Variants in INO80D observed in about 807,000 individuals in gnomAD.
INO80D encodes the protein INO80 complex subunit D.
Under a neutral mutation model 87.6 loss-of-function variants are expected in INO80D, and 21 were observed. The ratio of observed to expected loss-of-function variants is 0.24; its 90% CI spans 0.17 to 0.35. INO80D has a LOEUF of 0.35. Among genes scored for constraint, INO80D ranks in the 10% least tolerant of loss-of-function variants. The pLI, the probability that INO80D is intolerant of heterozygous loss-of-function variation, is 1.00. For missense variants in INO80D, 982 were observed against 1,280.7 expected, an observed-to-expected ratio of 0.77 and a Z score of 3.56; for synonymous variants, 440 against 491.0, an observed-to-expected ratio of 0.90 and a Z score of 1.37.
Position 206,004,675 on chromosome 2 carries a change from T to C in INO80D, c.2777A>G (p.Asn926Ser). ...TSLSTPPTTS[N>S]SETTQPAFAT... ...GAAGGCAGGCTGTGTGGTCTCTGAG[T>C]TCGAAGTGGTGGGTGGCGTGGATAG... The change falls in exon 11 of 11, where the codon AAC becomes AGC. Residue 926 changes from asparagine (N) to serine (S), a missense_variant. Physicochemically the swap from Asn to Ser is conservative, Grantham distance 46. Coordinates refer to ENST00000403263, the MANE Select transcript of INO80D (RefSeq NM_017759.5). This position sits in a 1 kb window ranked among gnomAD's most constrained non-coding sequence, Gnocchi z 4.9. 1 of 1,613,736 alleles carries C rather than the reference T, an allele frequency of 6.2e-7. No individual in the cohort carries two copies. Among genetic ancestry groups the C allele is most frequent in the Non-Finnish European group, 8.5e-7 (1 of 1,179,810 alleles).
In INO80D at chr2:206,005,267, G is replaced by A; in HGVS notation, c.2185C>T (p.Leu729=). 1 of 1,614,014 alleles carries A rather than the reference G, an allele frequency of 6.2e-7. No individual in the cohort carries two copies. The highest frequency in any genetic ancestry group is 8.5e-7 in the Non-Finnish European group (1 of 1,179,892). ...CGGAGCAGGTTCTCATCCAGCTCTA[G>A]ACTAGAAAAATTATCATGTACTATA... ...GRIVHDNFSS[L]ELDENLLRSA... is the part of the protein sequence containing the mutation. Residue 729 remains leucine (L), a synonymous_variant, in exon 11 of 11, where the codon CTA becomes TTA. Coordinates refer to ENST00000403263, the MANE Select transcript of INO80D (RefSeq NM_017759.5).
chr2:206,023,995 T>G (rs982292628), intron 6 of INO80D, among the ~76,000 whole-genome samples: 2 of 152,218 alleles, frequency 1.3e-5, no homozygotes, highest in Non-Finnish European at 2.9e-5. Context: ...TTGTATAGTC[T>G]TTTATATCTT....
chr2:206,046,564 T>C lies in INO80D; in HGVS notation c.1013A>G (p.Gln338Arg), dbSNP rs1689201058. The C allele has an allele frequency of 8.1e-6, 13 of 1,613,868 alleles. No homozygotes were observed. Among genetic ancestry groups the C allele is most frequent in the Non-Finnish European group, 8.5e-6 (10 of 1,179,856 alleles). The change falls in exon 5 of 11, where the codon CAG (glutamine) becomes CGG (arginine). Residue 338 changes from glutamine (Q) to arginine (R), a missense_variant. Transcript: ENST00000403263. ...CCATGCAACCTGGTAGGGCGAGGCCTGCTCTGAGTCCTCTGGTTCCTCTCC... is the reference window on the plus strand; with the variant it reads ...CCATGCAACCTGGTAGGGCGAGGCCCGCTCTGAGTCCTCTGGTTCCTCTCC... ...ESGEEPEDSE[Q>R]ASPYQVAWSI...
At chr2:206,019,939 C>A in intron 6 of INO80D, 94 bp from the exon 7 acceptor site, 1 of 800,060 alleles carries the variant, frequency 1.2e-6, no homozygotes, top group South Asian at 1.6e-5. Context: ...GTAACACTCT[C>A]ATTATAATAT....
chr2:206,078,860 T>C (rs1360269489), intron 1 of INO80D, among the ~76,000 whole-genome samples: 1 of 152,110 alleles, frequency 6.6e-6, no homozygotes, highest in Non-Finnish European at 1.5e-5. Context: ...AGAGAATTGC[T>C]TGAACCTGGG....
At position 205,999,904 on chromosome 2, in the gene INO80D, G is replaced by A. The variant is rs562149592; in HGVS notation, c.*4464C>T. On this transcript the variant is annotated 3_prime_UTR_variant, in exon 11 of 11. Coordinates refer to ENST00000403263, the MANE Select transcript of INO80D (RefSeq NM_017759.5). ...GTTTTAACTTTTCTACAGAATGCCAGTGAAGATTCAGTTAATGTATTGGGC... is the reference window on the plus strand; with the variant it reads ...GTTTTAACTTTTCTACAGAATGCCAATGAAGATTCAGTTAATGTATTGGGC... 6.6e-6 allele frequency: 1 copy of A among 152,260 alleles called. No individual in the cohort carries two copies. The highest frequency in any genetic ancestry group is 1.9e-4 in the East Asian group (1 of 5,180). 9.4% of individuals were successfully genotyped at this position (152,260 alleles called of 1,614,324 possible). A position where few individuals can be genotyped will look rare whatever the true frequency, so the allele number is the denominator to read the frequency against.
At chr2:206,052,791 C>CAA (rs34135960) in intron 4 of INO80D, among the ~76,000 whole-genome samples, 11,027 of 139,230 alleles carry the variant, frequency 0.079, 560 homozygotes, top group Non-Finnish European at 0.12. Context: ...GAACCTGTCT[C>CAA]AAAAAAAAAA....
At chr2:206,068,078 G>A (rs966454392) in intron 1 of INO80D, among the ~76,000 whole-genome samples, 3 of 151,994 alleles carry the variant, frequency 2.0e-5, no homozygotes, top group Non-Finnish European at 4.4e-5. Flanking sequence ...AACTTTTGAG[G>A]CACTGTGTTG....
Position 206,062,279 on chromosome 2 carries a change from G to C in INO80D, c.218+520C>G, listed in dbSNP as rs1689709082. 1.3e-5 allele frequency among the ~76,000 whole-genome samples: 2 copies of C among 152,220 alleles called. No homozygotes were observed. The highest frequency in any genetic ancestry group is 4.1e-4 in the South Asian group (2 of 4,830). On this transcript the variant is annotated intron_variant, in intron 3 of 10. Coordinates refer to ENST00000403263, the MANE Select transcript of INO80D (RefSeq NM_017759.5). This position sits in a 1 kb window ranked among gnomAD's most constrained non-coding sequence, Gnocchi z 4.6. ...TAGGAAATAAATCTAACTGATTCAA[G>C]TAGTTTTTTAAAATTTTCTTCAGTA...
At chr2:206,008,606 T>C (rs1190852840) in intron 9 of INO80D, among the ~76,000 whole-genome samples, 1 of 152,094 alleles carries the variant, frequency 6.6e-6, no homozygotes, top group Non-Finnish European at 1.5e-5. Context: ...AACAGAAACA[T>C]GAGAAACCCT....
At chr2:206,059,498 A>G (rs1689627128) in intron 3 of INO80D, among the ~76,000 whole-genome samples, 1 of 152,222 alleles carries the variant, frequency 6.6e-6, no homozygotes, top group African/African-American at 2.4e-5. Flanking sequence ...TCAATCCTCA[A>G]ATTCACTGGG....
chr2:206,032,379 TG>T (rs1224969789), intron 5 of INO80D, among the ~76,000 whole-genome samples: 2 of 152,162 alleles, frequency 1.3e-5, no homozygotes, highest in African/African-American at 4.8e-5. Context: ...CCTCAGATTG[TG>T]TGGGAGCTGG....
intron 1 of INO80D, among the ~76,000 whole-genome samples, chr2:206,066,153 A>C (rs1171243036): frequency 6.6e-6 from 1 of 152,022 alleles, no homozygotes; most frequent in African/African-American, 2.4e-5. Context: ...TCAGCTACTC[A>C]AGGCTGAGGC....
At chr2:206,025,706 A>G (rs1688598280) in intron 6 of INO80D, 1 of 151,516 alleles carries the variant, frequency 6.6e-6, no homozygotes, top group South Asian at 2.1e-4. Flanking sequence ...AAAGGAAAAG[A>G]AATTTTTTAA....
Position 206,050,140 on chromosome 2 carries a change from G to GA in INO80D, c.965-3529dup, listed in dbSNP as rs200174098. Among the ~76,000 whole-genome samples, 47 of 147,350 alleles carry GA rather than the reference G, an allele frequency of 3.2e-4. No homozygotes were observed. In the East Asian group the frequency reaches 6.9e-3, roughly 22 times the overall value. On this transcript the variant is annotated intron_variant, in intron 4 of 10. Transcript: ENST00000403263. ...ACAGCGAGACTCTATCTCAAAAAAA[G>GA]AAAAAAAAAATTTAAAAGGCTGAAA...
intron 1 of INO80D, among the ~76,000 whole-genome samples, chr2:206,073,320 T>C (rs1366191934): frequency 6.6e-6 from 1 of 152,186 alleles, no homozygotes; most frequent in Non-Finnish European, 1.5e-5. Context: ...TCTTTACCCC[T>C]AGCCTTCCAC....
intron 4 of INO80D, among the ~76,000 whole-genome samples, chr2:206,052,274 G>A (rs557541841): frequency 9.9e-5 from 15 of 152,036 alleles, no homozygotes; most frequent in African/African-American, 1.9e-4. Flanking sequence ...TGCAACCTCC[G>A]CTTCCCGGGT....
intron 5 of INO80D, among the ~76,000 whole-genome samples, chr2:206,039,438 TC>T (rs1688978413): frequency 6.6e-6 from 1 of 152,008 alleles, no homozygotes; most frequent in Admixed American, 6.6e-5. Flanking sequence ...TAAACGATGT[TC>T]CTGCTATAGC....
chr2:206,013,420 CA>C (rs1397649339), intron 8 of INO80D, among the ~76,000 whole-genome samples: 1 of 151,948 alleles, frequency 6.6e-6, no homozygotes, highest in Non-Finnish European at 1.5e-5. Context: ...GGCGTGGTGG[CA>C]GGCACCTGTA....
Sources: gnomAD v4.1 joint callset for allele counts (sites outside exome capture counted in the v4.1 genomes callset) on GRCh38, gnomAD v4.1.1 for gene constraint, Gnocchi (gnomAD v3.1) non-coding constraint, MANE v1.5 for transcripts, NCBI Gene and HGNC (gene_info 2026-07-23, HGNC 2026-07-21) for gene names.